CTXND2: variants seen among roughly 807,000 people sequenced by gnomAD.
The protein encoded by CTXND2 is cortexin domain containing 2.
At chr1:150,905,197 G>A (rs1218074044) in intron 1 of CTXND2, among the ~76,000 whole-genome samples, 1 of 148,976 alleles carries the variant, frequency 6.7e-6, no homozygotes, top group Non-Finnish European at 1.5e-5. Context: ...AGGCTGGAGT[G>A]CAAGGGTGTA....
At chr1:150,895,327 CTTTTTTTTCT>C (rs933778061) in intron 1 of CTXND2, among the ~76,000 whole-genome samples, 18 of 151,390 alleles carry the variant, frequency 1.2e-4, no homozygotes, top group South Asian at 4.2e-4. Context: ...TTGGGGAAAT[CTTTTTTTTCT>C]TTTTTTTTCT....
At chr1:150,900,654 A>G (rs1305813931) in intron 1 of CTXND2, among the ~76,000 whole-genome samples, 1 of 130,388 alleles carries the variant, frequency 7.7e-6, no homozygotes, top group Non-Finnish European at 1.7e-5. Context: ...TCAAAAAACA[A>G]ACCAAAAAAA....
rs868082423 is a variant in CTXND2, at chr1:150,888,789, C to A, written c.-74+1476C>A. On this transcript the variant is annotated intron_variant, in intron 1 of 1. Transcript: ENST00000636087. ...TACTGCATCCTTGACCTCCTGGGCT[C>A]AATCGATCCTCTCACATCAGCCTCC... Among the ~76,000 whole-genome samples the A allele has an allele frequency of 1.2e-4, 19 of 152,016 alleles. 3 individuals carry two copies. Among genetic ancestry groups the A allele is most frequent in the South Asian group, 4.2e-4 (2 of 4,812 alleles).
At chr1:150,909,545 A>G (rs1190852540) in intron 1 of CTXND2, among the ~76,000 whole-genome samples, 3 of 152,208 alleles carry the variant, frequency 2.0e-5, no homozygotes, top group Non-Finnish European at 4.4e-5. Context: ...TGACAAAGTG[A>G]GACCCTGTCT....
At chr1:150,894,539 A>G (rs1668889846) in intron 1 of CTXND2, among the ~76,000 whole-genome samples, 1 of 152,032 alleles carries the variant, frequency 6.6e-6, no homozygotes. Context: ...CTTATTTAAG[A>G]CTGTTTTATT....
intron 1 of CTXND2, among the ~76,000 whole-genome samples, chr1:150,904,785 A>AAGATTATT (rs1669107443): frequency 1.3e-5 from 2 of 152,214 alleles, no homozygotes; most frequent in South Asian, 4.1e-4. Context: ...TGTAATATCA[A>AAGATTATT]AGATTATTTA....
chr1:150,911,437 A>C lies in CTXND2; in HGVS notation c.-73-805A>C, dbSNP rs932982004. 1.8e-4 allele frequency among the ~76,000 whole-genome samples: 27 copies of C among 149,572 alleles called. 1 individual carries two copies. Among genetic ancestry groups the C allele is most frequent in the Non-Finnish European group, 1.0e-4 (7 of 67,404 alleles). Reference sequence around the variant, plus strand: ...TTTTTTTCCTGTTTTCCTTATGTAAATTTATTTTTTTTTTTTGAGGTGGGG... The same window carrying C: ...TTTTTTTCCTGTTTTCCTTATGTAACTTTATTTTTTTTTTTTGAGGTGGGG... On this transcript the variant is annotated intron_variant, in intron 1 of 1. Transcript: ENST00000636087.
intron 1 of CTXND2, among the ~76,000 whole-genome samples, chr1:150,901,740 G>A (rs1161891196): frequency 6.7e-6 from 1 of 149,708 alleles, no homozygotes; most frequent in African/African-American, 2.5e-5. Flanking sequence ...CAGTGAAACC[G>A]TGTGTCTACT....
chr1:150,912,426 C>T (rs1003655421), exon 2 of CTXND2: 4 of 398,440 alleles, frequency 1.0e-5, no homozygotes, highest in South Asian at 1.3e-4. Flanking sequence ...GTGTGCCAAG[C>T]TGGTGAAGAA....
At chr1:150,904,690 C>A (rs1442145538) in intron 1 of CTXND2, among the ~76,000 whole-genome samples, 2 of 152,096 alleles carry the variant, frequency 1.3e-5, no homozygotes, top group African/African-American at 4.8e-5. Flanking sequence ...ATATTTTTGG[C>A]CTTAACTATG....
intron 1 of CTXND2, among the ~76,000 whole-genome samples, chr1:150,909,904 G>A (rs1008411725): frequency 1.3e-5 from 2 of 152,124 alleles, no homozygotes; most frequent in African/African-American, 2.4e-5. Context: ...GTAACAATGT[G>A]TAGGAAAACA....
intron 1 of CTXND2, among the ~76,000 whole-genome samples, chr1:150,910,820 T>G (rs1669242453): frequency 6.6e-6 from 1 of 151,784 alleles, no homozygotes; most frequent in Admixed American, 6.6e-5. Context: ...TTTTTTATTT[T>G]TTGAGACAGA....
intron 1 of CTXND2, among the ~76,000 whole-genome samples, chr1:150,906,763 C>T (rs903437643): frequency 6.6e-6 from 1 of 152,180 alleles, no homozygotes; most frequent in Non-Finnish European, 1.5e-5. Flanking sequence ...CCTTGAAGGA[C>T]TTCAGGTGTC....
chr1:150,906,136 A>G (rs1010015232), intron 1 of CTXND2, among the ~76,000 whole-genome samples: 1 of 151,670 alleles, frequency 6.6e-6, no homozygotes, highest in Non-Finnish European at 1.5e-5. Flanking sequence ...TCGTCTCTAC[A>G]AAAAATTTAA....
At chr1:150,887,717 T>A (rs1668792099) in intron 1 of CTXND2, among the ~76,000 whole-genome samples, 1 of 152,192 alleles carries the variant, frequency 6.6e-6, no homozygotes, top group Non-Finnish European at 1.5e-5. Flanking sequence ...GCTGCATTAT[T>A]GTGTTTCTTC....
intron 1 of CTXND2, among the ~76,000 whole-genome samples, chr1:150,902,256 CATT>C (rs1350400424): frequency 6.6e-6 from 1 of 151,762 alleles, no homozygotes; most frequent in Non-Finnish European, 1.5e-5. Flanking sequence ...TTTTAAAAAA[CATT>C]AGCCAGGCGT....
chr1:150,898,631 CTGT>C (rs1032828823), intron 1 of CTXND2, among the ~76,000 whole-genome samples: 3 of 151,462 alleles, frequency 2.0e-5, no homozygotes, highest in Non-Finnish European at 4.4e-5. Flanking sequence ...TGGTGCCCGC[CTGT>C]AGTCCCAGCT....
At chr1:150,894,373 A>T (rs1387409861) in intron 1 of CTXND2, among the ~76,000 whole-genome samples, 2 of 152,220 alleles carry the variant, frequency 1.3e-5, no homozygotes, top group Non-Finnish European at 2.9e-5. Flanking sequence ...GATTTTATAG[A>T]TGTTCAATAA....
chr1:150,911,131 C>T (rs1428168677), intron 1 of CTXND2, among the ~76,000 whole-genome samples: 2 of 135,978 alleles, frequency 1.5e-5, no homozygotes, highest in African/African-American at 2.8e-5. Context: ...TTTTTTTGGT[C>T]GAGACAGGGT....
Sources: gnomAD v4.1 joint callset for allele counts (sites outside exome capture counted in the v4.1 genomes callset) on GRCh38, gnomAD v4.1.1 for gene constraint, MANE v1.5 for transcripts, NCBI Gene and HGNC (gene_info 2026-07-23, HGNC 2026-07-21) for gene names.